The following RABEP1 variants were observed in gnomAD, a reference collection of about 807,000 sequenced individuals.
RABEP1 encodes the protein rabaptin, RAB GTPase binding effector protein 1.
A neutral mutation model predicts 123.4 loss-of-function variants in RABEP1; 51 were observed. That is an observed-to-expected ratio of 0.41 (90% CI 0.33 to 0.52). RABEP1 has a LOEUF of 0.52. Ranked by LOEUF, RABEP1 falls within the 20% of genes least tolerant of loss-of-function variation. The pLI is 0.16. For synonymous variants in RABEP1, 347 were observed against 355.2 expected (o/e 0.98, Z 0.26); for missense variants, 888 against 996.3 (o/e 0.89, Z 1.46).
chr17:5,384,228 CAGTT>C lies in RABEP1; in HGVS notation c.*1012_*1015del, dbSNP rs1911752147. On this transcript the variant is annotated 3_prime_UTR_variant, in exon 18 of 18. Coordinates refer to ENST00000537505, the MANE Select transcript of RABEP1 (RefSeq NM_004703.6). ...GTAAGTGACAATGCTTATGGAAAGC[CAGTT>C]AGTTAGAATTGGAAATCTGTCTTGT... is the stretch of plus-strand genomic sequence containing the variant. 1 of 214,786 alleles carries C rather than the reference CAGTT, an allele frequency of 4.7e-6. No homozygotes were observed. Among genetic ancestry groups the C allele is most frequent in the African/African-American group, 2.3e-5 (1 of 44,422 alleles). 13.3% of individuals were successfully genotyped at this position (214,786 alleles called of 1,614,324 possible).
At chr17:5,305,166 G>T (rs771039358) in intron 1 of RABEP1, among the ~76,000 whole-genome samples, 4 of 152,068 alleles carry the variant, frequency 2.6e-5, no homozygotes, top group Non-Finnish European at 4.4e-5. Flanking sequence ...AGAGTGAATC[G>T]ATTTGTCTCG....
chr17:5,300,209 C>T (rs758629731), intron 1 of RABEP1, among the ~76,000 whole-genome samples: 4 of 152,134 alleles, frequency 2.6e-5, no homozygotes, highest in Admixed American at 6.5e-5. Flanking sequence ...AAGGCTGTTA[C>T]ATTACATTTT....
At chr17:5,292,009 A>G (rs185098036) in intron 1 of RABEP1, among the ~76,000 whole-genome samples, 14 of 152,398 alleles carry the variant, frequency 9.2e-5, no homozygotes, top group Admixed American at 2.0e-4. Flanking sequence ...ATAGGAAACA[A>G]CATTCTCGTA....
At chr17:5,339,743 C>G (rs1365512367) in intron 5 of RABEP1, among the ~76,000 whole-genome samples, 1 of 151,824 alleles carries the variant, frequency 6.6e-6, no homozygotes, top group Non-Finnish European at 1.5e-5. Flanking sequence ...GAGATTGTTG[C>G]AGTTACCTGA....
intron 12 of RABEP1, among the ~76,000 whole-genome samples, chr17:5,368,851 G>A (rs1188608584): frequency 1.3e-5 from 2 of 152,176 alleles, no homozygotes; most frequent in Non-Finnish European, 2.9e-5. Context: ...AATTTATTTA[G>A]AATAACCTTA....
At chr17:5,317,003 C>T (rs990579083) in intron 2 of RABEP1, among the ~76,000 whole-genome samples, 3 of 151,966 alleles carry the variant, frequency 2.0e-5, no homozygotes, top group Non-Finnish European at 4.4e-5. Flanking sequence ...TTCCCAGGTT[C>T]AGTCGATTCT....
rs1355184049 is a variant in RABEP1, at chr17:5,384,605, C to G, written c.*1382C>G. The G allele has an allele frequency of 4.6e-6, 1 of 215,436 alleles. No homozygotes were observed. Among genetic ancestry groups the G allele is most frequent in the African/African-American group, 2.3e-5 (1 of 44,370 alleles). The allele number at this position is 215,436 out of a possible 1,614,324, so 13.3% of individuals were successfully genotyped here. A position where few individuals can be genotyped will look rare whatever the true frequency, so the allele number is the denominator to read the frequency against. On this transcript the variant is annotated 3_prime_UTR_variant, in exon 18 of 18. Coordinates refer to ENST00000537505, the MANE Select transcript of RABEP1 (RefSeq NM_004703.6). ...TAAATGAGGTCACTATGGACTTACC[C>G]TAAAGATCTTCTGTACTTCTGTCTT...
chr17:5,338,310 C>G (rs988216402), intron 5 of RABEP1, 172 bp downstream of exon 5: 1 of 791,932 alleles, frequency 1.3e-6, no homozygotes. Flanking sequence ...GCCTGTAATC[C>G]CAGCACTTTG....
At chr17:5,338,256 A>T (rs777063577) in intron 5 of RABEP1, 118 bp downstream of exon 5, 8 of 1,293,028 alleles carry the variant, frequency 6.2e-6, no homozygotes, top group Non-Finnish European at 8.2e-6. Context: ...CATCTTAAGA[A>T]TCTTTCTTTA....
chr17:5,368,297 T>C, intron 11 of RABEP1, 73 bp from the exon 12 acceptor site: 2 of 993,532 alleles, frequency 2.0e-6, no homozygotes, highest in Non-Finnish European at 3.0e-6. Context: ...CACTAAATAG[T>C]TAGAAGATGG....
chr17:5,294,708 C>T (rs1397395966), intron 1 of RABEP1, among the ~76,000 whole-genome samples: 4 of 123,014 alleles, frequency 3.3e-5, no homozygotes, highest in East Asian at 2.9e-4. Flanking sequence ...AGTGCAGTGG[C>T]GCGATCTCGG....
chr17:5,335,054 G>A (rs2144608326), intron 3 of RABEP1, 130 bp from the exon 4 acceptor site: 2 of 699,456 alleles, frequency 2.9e-6, no homozygotes, highest in East Asian at 5.6e-5. Flanking sequence ...AGTTTGTCTT[G>A]TTTTTTAGTG....
chr17:5,359,617 A>G (rs1160443977), intron 8 of RABEP1, among the ~76,000 whole-genome samples: 2 of 152,318 alleles, frequency 1.3e-5, no homozygotes, highest in East Asian at 3.9e-4. Flanking sequence ...AATCTTTAAA[A>G]GGAAAGAAAT....
At chr17:5,337,409 G>C (rs1450161401) in intron 4 of RABEP1, among the ~76,000 whole-genome samples, 1 of 152,102 alleles carries the variant, frequency 6.6e-6, no homozygotes, top group East Asian at 1.9e-4. Flanking sequence ...TTATGGGCTG[G>C]GCGCGGTGGC....
intron 7 of RABEP1, among the ~76,000 whole-genome samples, chr17:5,352,281 C>G (rs967095868): frequency 1.3e-5 from 2 of 151,920 alleles, no homozygotes; most frequent in Admixed American, 6.6e-5. Flanking sequence ...CAACCTCCGC[C>G]TCCCAGGCTC....
Position 5,290,382 on chromosome 17 carries a change from C to T in RABEP1, c.34+7862C>T, listed in dbSNP as rs541783115. Among the ~76,000 whole-genome samples the T allele has an allele frequency of 1.2e-4, 19 of 152,120 alleles. No homozygotes were observed. In the South Asian group the frequency reaches 1.5e-3, roughly 12 times the overall value. On this transcript the variant is annotated intron_variant, in intron 1 of 17. Coordinates refer to ENST00000537505, the MANE Select transcript of RABEP1 (RefSeq NM_004703.6). ...GGATTACAGGCGTGAGCCACCGCGC[C>T]CGTCCTCCTTGATTATTCTTAAGTA...
intron 2 of RABEP1, among the ~76,000 whole-genome samples, chr17:5,327,547 CTA>C (rs1334005327): frequency 3.9e-5 from 6 of 152,062 alleles, no homozygotes; most frequent in Admixed American, 2.0e-4. Flanking sequence ...TTGCATGTGA[CTA>C]TGTGTCTGAG....
intron 1 of RABEP1, among the ~76,000 whole-genome samples, chr17:5,303,442 A>G (rs1347038039): frequency 6.6e-6 from 1 of 152,064 alleles, no homozygotes; most frequent in Non-Finnish European, 1.5e-5. Flanking sequence ...GGGTTTCGCC[A>G]CATTGACCAG....
At chr17:5,363,089 C>A in intron 10 of RABEP1, 73 bp downstream of exon 10, 2 of 1,102,848 alleles carry the variant, frequency 1.8e-6, no homozygotes, top group Non-Finnish European at 1.4e-6. Context: ...TTGCCCCCCT[C>A]TCCGGCCCCA....
Sources: allele counts gnomAD v4.1 joint callset (sites outside exome capture counted in the v4.1 genomes callset), GRCh38; gene constraint gnomAD v4.1.1; transcripts MANE v1.5; gene names NCBI Gene and HGNC (gene_info 2026-07-23, HGNC 2026-07-21).